SYTL1: variants seen among roughly 807,000 people sequenced by gnomAD.
The protein encoded by SYTL1 is synaptotagmin like 1.
In SYTL1, 53 loss-of-function variants were observed where a neutral mutation model predicts 74.6. That is an observed-to-expected ratio of 0.71 (90% confidence interval 0.57 to 0.89). The LOEUF (loss-of-function observed/expected upper bound fraction) is 0.89. Ranked by LOEUF, SYTL1 falls within the 40% of genes least tolerant of loss-of-function variation. The pLI, the probability that SYTL1 is intolerant of heterozygous loss-of-function variation, is 0.00. For synonymous variants in SYTL1, 329 were observed against 324.9 expected, an observed-to-expected ratio of 1.01 and a Z score of -0.14; for missense variants, 728 against 768.7, an observed-to-expected ratio of 0.95 and a Z score of 0.63.
In SYTL1 at chr1:27,343,555, G is replaced by A. The variant is rs976142679; in HGVS notation, c.-39+1405G>A. On this transcript the variant is annotated intron_variant, in intron 1 of 14. Transcript: ENST00000616558. The surrounding 1 kb of genome is among the most constrained non-coding windows in gnomAD (Gnocchi z 5.2). ...GAGGTGGTGGCAGGAGGGGACCCAG[G>A]CTGTGAGGTTCCTGGTGCGGGGGAG... Among the ~76,000 whole-genome samples, 1 of 152,050 alleles carries A rather than the reference G, an allele frequency of 6.6e-6. No individual in the cohort carries two copies. The highest frequency in any genetic ancestry group is 1.5e-5 in the Non-Finnish European group (1 of 67,964).
Position 27,342,389 on chromosome 1 carries a change from TG to T in SYTL1, c.-39+241del. 5.1e-6 allele frequency: 5 copies of T among 975,400 alleles called. No homozygotes were observed. The highest frequency in any genetic ancestry group is 6.1e-6 in the Non-Finnish European group (5 of 820,752). 60.4% of individuals were successfully genotyped at this position (975,400 alleles called of 1,614,324 possible). A position where few individuals can be genotyped will look rare whatever the true frequency, so the allele number is the denominator to read the frequency against. On this transcript the variant is annotated intron_variant, in intron 1 of 14. Transcript: ENST00000616558. This position sits in a 1 kb window ranked among gnomAD's most constrained non-coding sequence, Gnocchi z 4.7. ...TCTGGTAGGAGATTCTGCCTCTGGT[TG>T]GTAGGAGAGGGGACTTCAGGGAGGG...
Position 27,351,122 on chromosome 1 carries a change from G to T in SYTL1, c.1165-136G>T. On this transcript the variant is annotated intron_variant, in intron 11 of 14. Transcript: ENST00000616558. This position sits in a 1 kb window ranked among gnomAD's most constrained non-coding sequence, Gnocchi z 5.0. ...GCCGGCCACGGCCCCTTCCCCGAGG[G>T]CGCTAGGACCCCTAGGTTCTGCCCC... 1.5e-6 allele frequency: 2 copies of T among 1,322,428 alleles called. No individual in the cohort carries two copies. The highest frequency in any genetic ancestry group is 2.1e-6 in the Non-Finnish European group (2 of 972,460). 81.9% of individuals were successfully genotyped at this position (1,322,428 alleles called of 1,614,324 possible).
Position 27,345,554 on chromosome 1 carries a change from G to A in SYTL1, c.191+29G>A. The A allele has an allele frequency of 6.8e-7, 1 of 1,469,462 alleles. No homozygotes were observed. The highest frequency in any genetic ancestry group is 9.2e-7 in the Non-Finnish European group (1 of 1,084,144). The allele number at this position is 1,469,462 out of a possible 1,614,324, so 91.0% of individuals were successfully genotyped here. On this transcript the variant is annotated intron_variant, in intron 2 of 14. Coordinates refer to ENST00000616558, the MANE Select transcript of SYTL1 (RefSeq NM_001193308.2). The surrounding 1 kb of genome is among the most constrained non-coding windows in gnomAD (Gnocchi z 6.0). ...AGGCAGGGCAGACCCTGGCCGGGGA[G>A]CACCAAGAGGCTTGAGTGGCCCCCA... is the stretch of plus-strand genomic sequence containing the variant.
chr1:27,351,080 G>A lies in SYTL1; in HGVS notation c.1164+128G>A, dbSNP rs936927744. On this transcript the variant is annotated intron_variant, in intron 11 of 14. Transcript: ENST00000616558. This position sits in a 1 kb window ranked among gnomAD's most constrained non-coding sequence, Gnocchi z 5.0. ...CTCCCCTCAACCTCTTAACCTCATG[G>A]CCCCAGGCGAAGCCCGGCCGGCCAC... is the stretch of plus-strand genomic sequence containing the variant. 4.1e-5 allele frequency: 56 copies of A among 1,355,948 alleles called. No homozygotes were observed. The South Asian group carries it at 4.6e-4, about 11-fold the overall frequency. The allele number at this position is 1,355,948 out of a possible 1,614,324, so 84.0% of individuals were successfully genotyped here.
In SYTL1 at chr1:27,349,430, G is replaced by A. The variant is rs771817961; in HGVS notation, c.565G>A (p.Glu189Lys). Residue 189 changes from glutamate (E) to lysine (K), a missense_variant, in exon 7 of 15, where the codon GAG (glutamate) becomes AAG (lysine). By Grantham distance (56) the Glu-to-Lys change is moderately conservative. Transcript: ENST00000616558. ...PGQGDQQVCAEEADPELEPAS... is the reference protein window; with the variant it reads ...PGQGDQQVCAKEADPELEPAS... ...CCAAGGAGACCAACAGGTCTGTGCC[G>A]AGGAGGCTGACCCGGAGCTGGAGCC... The A allele has an allele frequency of 6.9e-7, 1 of 1,452,950 alleles. No individual in the cohort carries two copies. The highest frequency in any genetic ancestry group is 9.1e-7 in the Non-Finnish European group (1 of 1,102,222). The allele number at this position is 1,452,950 out of a possible 1,614,324, so 90.0% of individuals were successfully genotyped here.
rs759854391 is a variant in SYTL1, at chr1:27,351,612, A to G, written c.1343+57A>G. 27 of 1,092,824 alleles carry G rather than the reference A, an allele frequency of 2.5e-5. No homozygotes were observed. Among genetic ancestry groups the G allele is most frequent in the Non-Finnish European group, 3.4e-5 (26 of 765,900 alleles). 67.7% of individuals were successfully genotyped at this position (1,092,824 alleles called of 1,614,324 possible). A position where few individuals can be genotyped will look rare whatever the true frequency, so the allele number is the denominator to read the frequency against. ...TCTTTTGCCTGCAGTGGAGTGCCCAACCTCCACAAACCCTTACTAATCAAC... is the reference window on the plus strand; with the variant it reads ...TCTTTTGCCTGCAGTGGAGTGCCCAGCCTCCACAAACCCTTACTAATCAAC... On this transcript the variant is annotated intron_variant, in intron 13 of 14. Coordinates refer to ENST00000616558, the MANE Select transcript of SYTL1 (RefSeq NM_001193308.2). The surrounding 1 kb of genome is among the most constrained non-coding windows in gnomAD (Gnocchi z 5.0).
rs2015074047 is a variant in SYTL1, at chr1:27,347,915, C to G, written c.413+35C>G. On this transcript the variant is annotated intron_variant, in intron 4 of 14. Transcript: ENST00000616558. The surrounding 1 kb of genome is among the most constrained non-coding windows in gnomAD (Gnocchi z 4.9). ...AGTCTCAGGAAGGGGGAGATGGTGC[C>G]CACCAGTCACCAGGGTCCCTCCCTC... The G allele has an allele frequency of 6.2e-7, 1 of 1,613,912 alleles. No homozygotes were observed. The highest frequency in any genetic ancestry group is 8.5e-7 in the Non-Finnish European group (1 of 1,179,824).
Position 27,347,740 on chromosome 1 carries a change from G to A in SYTL1, c.341-68G>A. 6.4e-7 allele frequency: 1 copy of A among 1,560,022 alleles called. No homozygotes were observed. Among genetic ancestry groups the A allele is most frequent in the Non-Finnish European group, 8.7e-7 (1 of 1,148,412 alleles). ...CATGGGGTGGGTGGGTATCTCCCAG[G>A]GCCTCTCCCGAGTCACAGCCAGGCT... is the stretch of plus-strand genomic sequence containing the variant. On this transcript the variant is annotated intron_variant, in intron 3 of 14. Transcript: ENST00000616558. This position sits in a 1 kb window ranked among gnomAD's most constrained non-coding sequence, Gnocchi z 4.9.
At chr1:27,346,872 T>C (rs1185816247) in intron 2 of SYTL1, among the ~76,000 whole-genome samples, 1 of 151,982 alleles carries the variant, frequency 6.6e-6, no homozygotes, top group Non-Finnish European at 1.5e-5. Context: ...ACTTACAACA[T>C]TGTGGGAGGC....
chr1:27,342,244 G>T lies in SYTL1; in HGVS notation c.-39+94G>T. ...GAGCACCCTCCAGCACCTTGGGGTT[G>T]GGGGAGGTGGGCACATGTCTGGAAC... is the stretch of plus-strand genomic sequence containing the variant. On this transcript the variant is annotated intron_variant, in intron 1 of 14. Transcript: ENST00000616558. This position sits in a 1 kb window ranked among gnomAD's most constrained non-coding sequence, Gnocchi z 4.7. 1.4e-6 allele frequency: 1 copy of T among 736,648 alleles called. No homozygotes were observed. The allele number at this position is 736,648 out of a possible 1,614,324, so 45.6% of individuals were successfully genotyped here. A position where few individuals can be genotyped will look rare whatever the true frequency, so the allele number is the denominator to read the frequency against.
In SYTL1 at chr1:27,345,368, C is replaced by A. The variant is rs2148029255; in HGVS notation, c.34C>A (p.Leu12Ile). The change falls in exon 2 of 15, where the codon CTT (leucine) becomes ATT (isoleucine). Residue 12 changes from leucine to isoleucine, a missense_variant. Coordinates refer to ENST00000616558, the MANE Select transcript of SYTL1 (RefSeq NM_001193308.2). This position sits in a 1 kb window ranked among gnomAD's most constrained non-coding sequence, Gnocchi z 6.0. ...PQRGHPSQEG[L>I]WALPSLPMAH... ...GAGGGGCCACCCATCGCAAGAGGGG[C>A]TTTGGGCTCTGCCCTCCCTCCCCAT... is the stretch of plus-strand genomic sequence containing the variant. 2 of 1,548,254 alleles carry A rather than the reference C, an allele frequency of 1.3e-6. No homozygotes were observed. Among genetic ancestry groups the A allele is most frequent in the East Asian group, 4.9e-5 (2 of 40,854 alleles).
chr1:27,349,319 G>A, intron 6 of SYTL1, 79 bp from the exon 7 acceptor site: 1 of 1,452,756 alleles, frequency 6.9e-7, no homozygotes, highest in South Asian at 1.4e-5. Flanking sequence ...CAGCTCGCTG[G>A]GGTTGTAAAC....
rs769453782 is a variant in SYTL1, at chr1:27,350,373, G to T, written c.909-16G>T. 9.9e-6 allele frequency: 16 copies of T among 1,612,130 alleles called. No individual in the cohort carries two copies. Among genetic ancestry groups the T allele is most frequent in the Non-Finnish European group, 1.3e-5 (15 of 1,178,314 alleles). On this transcript the variant is annotated splice_polypyrimidine_tract_variant and intron_variant, in intron 9 of 14. Transcript: ENST00000616558. The surrounding 1 kb of genome is among the most constrained non-coding windows in gnomAD (Gnocchi z 6.3). ...CTGGGAGGGCCCCTCCTCACCTCGGGTTCTCACCTCCCCAGCTACGTCAAA... is the reference window on the plus strand; with the variant it reads ...CTGGGAGGGCCCCTCCTCACCTCGGTTTCTCACCTCCCCAGCTACGTCAAA...
rs999338840 is a variant in SYTL1, at chr1:27,353,169, G to C, written c.1344-114G>C. 4.6e-6 allele frequency: 5 copies of C among 1,097,278 alleles called. No individual in the cohort carries two copies. In the African/African-American group the frequency reaches 7.7e-5, roughly 17 times the overall value. 68.0% of individuals were successfully genotyped at this position (1,097,278 alleles called of 1,614,324 possible). A position where few individuals can be genotyped will look rare whatever the true frequency, so the allele number is the denominator to read the frequency against. On this transcript the variant is annotated intron_variant, in intron 13 of 14. Coordinates refer to ENST00000616558, the MANE Select transcript of SYTL1 (RefSeq NM_001193308.2). ...GGCAGTGAGGGTCTAAGGCCAGGCA[G>C]GCAGGAGCCAGGGGACATGGACATA...
rs1014736681 is a variant in SYTL1 at position 27,351,037 on chromosome 1, C to T, written c.1164+85C>T. On this transcript the variant is annotated intron_variant, in intron 11 of 14. Transcript: ENST00000616558. The surrounding 1 kb of genome is among the most constrained non-coding windows in gnomAD (Gnocchi z 5.0). ...CAGGCTCTCCCGCAGCCCCCTCACA[C>T]CCCGCCTTCGACAGAACCTCCCCTC... 6.6e-5 allele frequency: 100 copies of T among 1,509,636 alleles called. No homozygotes were observed. The highest frequency in any genetic ancestry group is 8.2e-5 in the Non-Finnish European group (91 of 1,109,506). The allele number at this position is 1,509,636 out of a possible 1,614,324, so 93.5% of individuals were successfully genotyped here.
At position 27,351,093 on chromosome 1, in the gene SYTL1, C is replaced by G; in HGVS notation, c.1164+141C>G. 1 of 1,333,392 alleles carries G rather than the reference C, an allele frequency of 7.5e-7. No individual in the cohort carries two copies. The highest frequency in any genetic ancestry group is 1.0e-6 in the Non-Finnish European group (1 of 983,188). The allele number at this position is 1,333,392 out of a possible 1,614,324, so 82.6% of individuals were successfully genotyped here. A position where few individuals can be genotyped will look rare whatever the true frequency, so the allele number is the denominator to read the frequency against. On this transcript the variant is annotated intron_variant, in intron 11 of 14. Coordinates refer to ENST00000616558, the MANE Select transcript of SYTL1 (RefSeq NM_001193308.2). The surrounding 1 kb of genome is among the most constrained non-coding windows in gnomAD (Gnocchi z 5.0). ...CTTAACCTCATGGCCCCAGGCGAAG[C>G]CCGGCCGGCCACGGCCCCTTCCCCG...
Position 27,349,397 on chromosome 1 carries a change from G to T in SYTL1, c.533-1G>T. 1 of 1,446,344 alleles carries T rather than the reference G, an allele frequency of 6.9e-7. No homozygotes were observed. Among genetic ancestry groups the T allele is most frequent in the Non-Finnish European group, 9.1e-7 (1 of 1,097,278 alleles). 89.6% of individuals were successfully genotyped at this position (1,446,344 alleles called of 1,614,324 possible). Reference sequence around the variant, plus strand: ...GCTTAGCATCTCGTGCCCCACCCCAGATCCTGGCCAAGGAGACCAACAGGT... The same window carrying T: ...GCTTAGCATCTCGTGCCCCACCCCATATCCTGGCCAAGGAGACCAACAGGT... On this transcript the variant is annotated splice_acceptor_variant, in intron 6 of 14. Coordinates refer to ENST00000616558, the MANE Select transcript of SYTL1 (RefSeq NM_001193308.2). LOFTEE classifies it high-confidence loss of function.
At chr1:27,346,621 G>A (rs2015014357) in intron 2 of SYTL1, among the ~76,000 whole-genome samples, 1 of 151,996 alleles carries the variant, frequency 6.6e-6, no homozygotes, top group African/African-American at 2.4e-5. Context: ...AATTAGCCTG[G>A]CGTGGTGGTG....
Position 27,347,982 on chromosome 1 carries a change from GGCC to G in SYTL1, c.430_432del (p.Ala144del). 1.2e-6 allele frequency: 2 copies of G among 1,614,178 alleles called. No individual in the cohort carries two copies. The highest frequency in any genetic ancestry group is 1.7e-6 in the Non-Finnish European group (2 of 1,180,010). On this transcript the variant is annotated inframe_deletion, in exon 5 of 15. Transcript: ENST00000616558. The surrounding 1 kb of genome is among the most constrained non-coding windows in gnomAD (Gnocchi z 4.9). ...CTACTCCTAGGCTCACCATTGATGA[GGCC>G]CCTCAGGAGAGGCTCAGGGAGACTG...
Sources: gnomAD v4.1 joint callset for allele counts (sites outside exome capture counted in the v4.1 genomes callset) on GRCh38, gnomAD v4.1.1 for gene constraint, Gnocchi (gnomAD v3.1) non-coding constraint, MANE v1.5 for transcripts, NCBI Gene and HGNC (gene_info 2026-07-23, HGNC 2026-07-21) for gene names.